Variants in CHRM3 observed in about 807,000 individuals in gnomAD.
CHRM3 encodes cholinergic receptor muscarinic 3.
In CHRM3, 11 loss-of-function variants were observed where a neutral mutation model predicts 41.8. The ratio of observed to expected loss-of-function variants is 0.26; its 90% CI spans 0.17 to 0.44. The LOEUF is 0.44. Among genes scored for constraint, CHRM3 ranks in the 20% least tolerant of loss-of-function variants. The pLI is 1.00. For missense variants in CHRM3, 571 were observed against 745.4 expected (o/e 0.77, Z 2.72); for synonymous variants, 297 against 301.4 (o/e 0.99, Z 0.15).
intron 3 of CHRM3, among the ~76,000 whole-genome samples, chr1:239,575,680 T>C (rs1281438797): frequency 6.6e-6 from 1 of 151,866 alleles, no homozygotes; most frequent in Non-Finnish European, 1.5e-5. Context: ...CTCTAGTCAG[T>C]GACGGTCATG....
rs1658595223 is a variant in CHRM3, at chr1:239,387,308, T to C, written c.-521+81T>C. On this transcript the variant is annotated intron_variant, in intron 1 of 6. Transcript: ENST00000676153. This position sits in a 1 kb window ranked among gnomAD's most constrained non-coding sequence, Gnocchi z 5.1. ...GACCTGGTTTCTTGCCTTATCTCGTTGCGAAAGGAGGAAAAAGTTTTCGGC... is the reference window on the plus strand; with the variant it reads ...GACCTGGTTTCTTGCCTTATCTCGTCGCGAAAGGAGGAAAAAGTTTTCGGC... 1 of 151,370 alleles carries C rather than the reference T, an allele frequency of 6.6e-6. No individual in the cohort carries two copies. Among genetic ancestry groups the C allele is most frequent in the Non-Finnish European group, 1.5e-5 (1 of 67,920 alleles). The allele number at this position is 151,370 out of a possible 1,614,324, so 9.4% of individuals were successfully genotyped here. A position where few individuals can be genotyped will look rare whatever the true frequency, so the allele number is the denominator to read the frequency against.
At chr1:239,683,332 G>A (rs1658751153) in intron 5 of CHRM3, among the ~76,000 whole-genome samples, 1 of 152,062 alleles carries the variant, frequency 6.6e-6, no homozygotes, top group South Asian at 2.1e-4. Context: ...ATGAAGTAAT[G>A]AGCAATAAAA....
At chr1:239,467,661 G>A (rs2147919286) in intron 1 of CHRM3, among the ~76,000 whole-genome samples, 1 of 152,242 alleles carries the variant, frequency 6.6e-6, no homozygotes, top group East Asian at 1.9e-4. Flanking sequence ...TGATTGCTGT[G>A]GTAGTGGACA....
At chr1:239,681,255 C>T (rs1658534656) in intron 5 of CHRM3, among the ~76,000 whole-genome samples, 1 of 152,152 alleles carries the variant, frequency 6.6e-6, no homozygotes, top group African/African-American at 2.4e-5. Flanking sequence ...TTACTGTAGA[C>T]TCTTATGCCC....
intron 2 of CHRM3, among the ~76,000 whole-genome samples, chr1:239,544,694 G>C (rs997688292): frequency 1.3e-5 from 2 of 151,430 alleles, no homozygotes; most frequent in Admixed American, 6.6e-5. Context: ...TATGTGCCAG[G>C]CACTATATTT....
rs1680485303 is a variant in CHRM3 at position 239,913,650 on chromosome 1, T to C, written c.*4426T>C. The C allele has an allele frequency of 6.0e-6, 1 of 167,020 alleles. No individual in the cohort carries two copies. The highest frequency in any genetic ancestry group is 6.5e-5 in the Admixed American group (1 of 15,288). 10.3% of individuals were successfully genotyped at this position (167,020 alleles called of 1,614,324 possible). On this transcript the variant is annotated 3_prime_UTR_variant, in exon 7 of 7. Transcript: ENST00000676153. Reference sequence around the variant, plus strand: ...ACTGGAGAATTCCATTTTCCTTTTCTGGCTTTAGTGTTAATGTCTGGGAAG... The same window carrying C: ...ACTGGAGAATTCCATTTTCCTTTTCCGGCTTTAGTGTTAATGTCTGGGAAG...
Position 239,387,091 on chromosome 1 carries a change from G to T in CHRM3, c.-657G>T, listed in dbSNP as rs948327783. ...TGAACTGAAGGGCGGCTCCGGGCAGGGGGGCACGATCTTAAGGACAGTCGC... is the reference window on the plus strand; with the variant it reads ...TGAACTGAAGGGCGGCTCCGGGCAGTGGGGCACGATCTTAAGGACAGTCGC... On this transcript the variant is annotated 5_prime_UTR_variant, in exon 1 of 7. Transcript: ENST00000676153. This position sits in a 1 kb window ranked among gnomAD's most constrained non-coding sequence, Gnocchi z 5.1. 6.6e-6 allele frequency: 1 copy of T among 152,054 alleles called. No individual in the cohort carries two copies. The highest frequency in any genetic ancestry group is 2.1e-4 in the South Asian group (1 of 4,826). 9.4% of individuals were successfully genotyped at this position (152,054 alleles called of 1,614,324 possible).
intron 1 of CHRM3, among the ~76,000 whole-genome samples, chr1:239,399,131 A>G (rs1240827811): frequency 6.6e-6 from 1 of 152,216 alleles, no homozygotes; most frequent in Non-Finnish European, 1.5e-5. Context: ...GATGGTGATG[A>G]TGATGATGAC....
intron 1 of CHRM3, among the ~76,000 whole-genome samples, chr1:239,445,977 A>G (rs1040374219): frequency 4.0e-5 from 6 of 151,466 alleles, no homozygotes; most frequent in Admixed American, 6.6e-5. Context: ...TCGCTCTGTC[A>G]CCCAGGCTGC....
chr1:239,532,356 A>G (rs1323928952), intron 2 of CHRM3, among the ~76,000 whole-genome samples: 3 of 141,482 alleles, frequency 2.1e-5, no homozygotes, highest in Non-Finnish European at 4.6e-5. Context: ...GGCCAGGCGC[A>G]GTGGCTCACG....
At chr1:239,835,429 T>G (rs1292049657) in intron 6 of CHRM3, among the ~76,000 whole-genome samples, 1 of 152,080 alleles carries the variant, frequency 6.6e-6, no homozygotes, top group Admixed American at 6.6e-5. Flanking sequence ...GCAACGCAAA[T>G]TGGGGAGGAA....
chr1:239,755,973 A>G (rs923644449), intron 5 of CHRM3, among the ~76,000 whole-genome samples: 1 of 152,236 alleles, frequency 6.6e-6, no homozygotes, highest in African/African-American at 2.4e-5. Flanking sequence ...ATAAAACTAT[A>G]TAGATGAGGC....
intron 6 of CHRM3, among the ~76,000 whole-genome samples, chr1:239,868,495 A>G (rs532848956): frequency 1.3e-5 from 2 of 152,088 alleles, no homozygotes; most frequent in African/African-American, 2.4e-5. Flanking sequence ...ACAGATACAG[A>G]TATCTCAAAA....
At chr1:239,740,817 CAA>C (rs1249962918) in intron 5 of CHRM3, among the ~76,000 whole-genome samples, 1 of 152,138 alleles carries the variant, frequency 6.6e-6, no homozygotes, top group African/African-American at 2.4e-5. Flanking sequence ...CAGGAAAAAA[CAA>C]ATGCTGGTGA....
chr1:239,782,212 C>G (rs2148808558), intron 5 of CHRM3, among the ~76,000 whole-genome samples: 1 of 149,256 alleles, frequency 6.7e-6, no homozygotes, highest in Middle Eastern at 3.4e-3. Flanking sequence ...TATTTGGTAG[C>G]ATTTACCAGT....
intron 1 of CHRM3, among the ~76,000 whole-genome samples, chr1:239,441,771 A>G (rs1663741904): frequency 6.6e-6 from 1 of 152,206 alleles, no homozygotes; most frequent in African/African-American, 2.4e-5. Context: ...TATAAGTGAA[A>G]CAAAATTCTG....
At chr1:239,641,208 GT>G (rs576759651) in intron 4 of CHRM3, among the ~76,000 whole-genome samples, 53 of 152,276 alleles carry the variant, frequency 3.5e-4, no homozygotes, top group African/African-American at 1.2e-3. Flanking sequence ...TTTGGAATCG[GT>G]GTGGTGCGGT....
intron 5 of CHRM3, among the ~76,000 whole-genome samples, chr1:239,757,934 C>T (rs1380585512): frequency 1.3e-5 from 2 of 152,164 alleles, no homozygotes; most frequent in Non-Finnish European, 2.9e-5. Flanking sequence ...TCCTGAGTCA[C>T]TCTAGGTTAG....
chr1:239,708,736 C>CTTTTTTTTTT lies in CHRM3; in HGVS notation c.-147+30466_-147+30475dup, dbSNP rs869143310. On this transcript the variant is annotated intron_variant, in intron 5 of 6. Transcript: ENST00000676153. Reference sequence around the variant, plus strand: ...CTTTGTTTCTTCTGGTTTAAATTTTCTTTTTTTTTTTTTTTTTTTTTTTTT... The same window carrying CTTTTTTTTTT: ...CTTTGTTTCTTCTGGTTTAAATTTTCTTTTTTTTTTTTTTTTTTTTTTTTTTTTTTTTTTT... Among the ~76,000 whole-genome samples, 109 of 48,350 alleles carry CTTTTTTTTTT rather than the reference C, an allele frequency of 2.3e-3. 10 individuals carry two copies. The highest frequency in any genetic ancestry group is 3.9e-3 in the East Asian group (5 of 1,274). The allele number at this position is 48,350 out of a possible 152,430, so 31.7% of individuals were successfully genotyped here.
Sources: gnomAD v4.1 joint callset for allele counts (sites outside exome capture counted in the v4.1 genomes callset) on GRCh38, gnomAD v4.1.1 for gene constraint, Gnocchi (gnomAD v3.1) non-coding constraint, MANE v1.5 for transcripts, NCBI Gene and HGNC (gene_info 2026-07-23, HGNC 2026-07-21) for gene names.